The following TNS2 variants were observed in gnomAD, a reference collection of about 807,000 sequenced individuals.
TNS2 encodes tensin-2.
Under a neutral mutation model 155.7 loss-of-function variants are expected in TNS2, and 77 were observed. The observed-to-expected ratio is 0.49, with a 90% confidence interval of 0.41 to 0.60. TNS2 has a LOEUF of 0.60. Ranked by LOEUF, TNS2 falls within the 20% of genes least tolerant of loss-of-function variation. The probability of loss-of-function intolerance (pLI) is 0.00; values close to 1 mark genes in which losing one functional copy is unlikely to be tolerated. For missense variants in TNS2, 1,703 were observed against 1,868.8 expected (o/e 0.91, Z 1.64); for synonymous variants, 726 against 763.9 (o/e 0.95, Z 0.82).
Position 53,063,960 on chromosome 12 carries a change from G to GGA in TNS2, c.*79_*80dup. 1 of 1,523,666 alleles carries GGA rather than the reference G, an allele frequency of 6.6e-7. No homozygotes were observed. The highest frequency in any genetic ancestry group is 8.9e-7 in the Non-Finnish European group (1 of 1,122,202). The allele number at this position is 1,523,666 out of a possible 1,614,324, so 94.4% of individuals were successfully genotyped here. On this transcript the variant is annotated 3_prime_UTR_variant, in exon 29 of 29. Transcript: ENST00000314250. This position sits in a 1 kb window ranked among gnomAD's most constrained non-coding sequence, Gnocchi z 5.6. ...CCACAGCCCTCACATCCCCTGGCCT[G>GGA]GACCCAGGAGACCCAGGAGAAAGCA...
In TNS2 at chr12:53,058,454, G is replaced by A; in HGVS notation, c.1225+9G>A. On this transcript the variant is annotated intron_variant, in intron 15 of 28. Coordinates refer to ENST00000314250, the MANE Select transcript of TNS2 (RefSeq NM_170754.4). The stretch of plus-strand genomic sequence containing the variant: ...TGACGAGGCCTGGACTGGTGAGTCT[G>A]AGACAAGTGGCCTGGGGCTGGAGTC... The A allele has an allele frequency of 1.2e-6, 2 of 1,614,160 alleles. No homozygotes were observed. Among genetic ancestry groups the A allele is most frequent in the Non-Finnish European group, 1.7e-6 (2 of 1,180,014 alleles).
rs764504089 is a variant in TNS2, at chr12:53,060,803, C to T, written c.2897C>T (p.Pro966Leu). The change falls in exon 20 of 29, where the codon CCT becomes CTT. Residue 966 changes from proline to leucine, a missense_variant. Physicochemically the swap from Pro to Leu is moderately conservative, Grantham distance 98. Transcript: ENST00000314250. The surrounding 1 kb of genome is among the most constrained non-coding windows in gnomAD (Gnocchi z 6.1). ...CCTGAGCTGCCGTCGGGAAGTGGGC[C>T]TGAGCCTCTGGCCCCTAGCCCAGTC... Reference protein sequence around the residue: ...KAPELPSGSGPEPLAPSPVSP... With the variant: ...KAPELPSGSGLEPLAPSPVSP... The T allele has an allele frequency of 6.2e-7, 1 of 1,612,042 alleles. No individual in the cohort carries two copies. Among genetic ancestry groups the T allele is most frequent in the Non-Finnish European group, 8.5e-7 (1 of 1,178,998 alleles).
In TNS2 at chr12:53,057,630, C is replaced by T. The variant is rs1944206136; in HGVS notation, c.909C>T (p.Phe303=). 6.2e-7 allele frequency: 1 copy of T among 1,613,978 alleles called. No homozygotes were observed. Among genetic ancestry groups the T allele is most frequent in the African/African-American group, 1.3e-5 (1 of 74,938 alleles). Residue 303 remains phenylalanine (F), a synonymous_variant, in exon 12 of 29, where the codon TTC becomes TTT. Transcript: ENST00000314250. ...GSIRMNSSPL[F]LHYVLIPMLP... ...TCAGAATGAACAGCAGCCCTCTCTTCCTGCACTATGTGCTCATCCCCATGC... is the reference window on the plus strand; with the variant it reads ...TCAGAATGAACAGCAGCCCTCTCTTTCTGCACTATGTGCTCATCCCCATGC...
At chr12:53,055,447 T>C in intron 8 of TNS2, 121 bp from the exon 9 acceptor site, 5 of 1,323,512 alleles carry the variant, frequency 3.8e-6, no homozygotes, top group South Asian at 1.4e-5. Context: ...GAGGCTATCA[T>C]GGACAACCAG....
chr12:53,054,592 G>C (rs886407356), intron 7 of TNS2, 151 bp downstream of exon 7: 4 of 1,074,242 alleles, frequency 3.7e-6, no homozygotes, highest in Non-Finnish European at 5.1e-6. Flanking sequence ...GCGCGGCCTG[G>C]AGCGGAGCGG....
rs757817456 is a variant in TNS2 at position 53,058,768 on chromosome 12, CAGCCGTGCGCT to C, written c.1347_1357del (p.Ala450GlyfsTer4). The C allele has an allele frequency of 6.2e-7, 1 of 1,613,994 alleles. No homozygotes were observed. Among genetic ancestry groups the C allele is most frequent in the South Asian group, 1.1e-5 (1 of 91,088 alleles). ...TCTGTCGACTACAACACCACTGAGC[CAGCCGTGCGCT>C]GGGACTCCTATGAGAACTTCAACCA... On this transcript the variant is annotated frameshift_variant, in exon 17 of 29. Coordinates refer to ENST00000314250, the MANE Select transcript of TNS2 (RefSeq NM_170754.4). LOFTEE classifies it high-confidence loss of function.
chr12:53,054,089 C>G, intron 6 of TNS2, 75 bp downstream of exon 6: 1 of 1,603,606 alleles, frequency 6.2e-7, no homozygotes, highest in Non-Finnish European at 8.5e-7. Flanking sequence ...GGGCACTGCC[C>G]CGCAACAGAG....
At position 53,059,316 on chromosome 12, in the gene TNS2, C is replaced by T. The variant is rs1005708815; in HGVS notation, c.1675C>T (p.Arg559Cys). 1.5e-5 allele frequency: 22 copies of T among 1,419,902 alleles called. No homozygotes were observed. Among genetic ancestry groups the T allele is most frequent in the Middle Eastern group, 3.7e-4 (2 of 5,372 alleles). The allele number at this position is 1,419,902 out of a possible 1,614,324, so 88.0% of individuals were successfully genotyped here. The change falls in exon 18 of 29, where the codon CGC becomes TGC. Residue 559 changes from arginine (R) to cysteine (C), a missense_variant. Transcript: ENST00000314250. This position sits in a 1 kb window ranked among gnomAD's most constrained non-coding sequence, Gnocchi z 4.7. ...GGCCAGTGGGGGCCGGGGAGCTGGGCGCGAGACGGCCATCCTAGATGACGA... is the reference window on the plus strand; with the variant it reads ...GGCCAGTGGGGGCCGGGGAGCTGGGTGCGAGACGGCCATCCTAGATGACGA... The part of the protein sequence containing the change: ...GVASGGRGAG[R>C]ETAILDDEEQ...
chr12:53,055,897 C>G (rs781447973), intron 10 of TNS2, 52 bp downstream of exon 10: 3 of 1,568,458 alleles, frequency 1.9e-6, no homozygotes, highest in Admixed American at 1.8e-5. Context: ...CTTTCTCCAG[C>G]TGGCCCCTTA....
chr12:53,059,692 T>G lies in TNS2; in HGVS notation c.2051T>G (p.Leu684Arg), dbSNP rs1338201254. 2 of 1,613,168 alleles carry G rather than the reference T, an allele frequency of 1.2e-6. No homozygotes were observed. Among genetic ancestry groups the G allele is most frequent in the Admixed American group, 3.3e-5 (2 of 60,012 alleles). The change falls in exon 18 of 29, where the codon CTG (leucine) becomes CGG (arginine). Residue 684 changes from leucine to arginine, a missense_variant. Leu to Arg is a moderately radical substitution (Grantham distance 102). Transcript: ENST00000314250. This position sits in a 1 kb window ranked among gnomAD's most constrained non-coding sequence, Gnocchi z 4.7. The stretch of plus-strand genomic sequence containing the variant: ...GTGGTCATCCTGGAGGACCCTGGGC[T>G]GCCTGCCCTATACCCATGCCCAGCC... ...REVVILEDPG[L>R]PALYPCPACE...
rs2121125928 is a variant in TNS2, at chr12:53,057,918, A to G, written c.1019+85A>G. ...ATTCCTGCTTCTCCAGCCTCCCTAG[A>G]CACCTGGGCAGGGCTCAGACTCTGG... On this transcript the variant is annotated intron_variant, in intron 13 of 28. Transcript: ENST00000314250. The G allele has an allele frequency of 1.9e-6, 3 of 1,607,886 alleles. No individual in the cohort carries two copies. The South Asian group carries it at 3.3e-5, about 18-fold the overall frequency.
chr12:53,054,096 A>G, intron 6 of TNS2, 82 bp downstream of exon 6: 1 of 1,597,428 alleles, frequency 6.3e-7, no homozygotes, highest in Non-Finnish European at 8.6e-7. Context: ...GCCCCGCAAC[A>G]GAGCTCCCCG....
Position 53,063,861 on chromosome 12 carries a change from TCTA to T in TNS2, c.4212_4214del (p.Leu1405del), listed in dbSNP as rs776948376. The T allele has an allele frequency of 1.9e-6, 3 of 1,614,040 alleles. No homozygotes were observed. The highest frequency in any genetic ancestry group is 2.5e-6 in the Non-Finnish European group (3 of 1,180,006). On this transcript the variant is annotated inframe_deletion, in exon 29 of 29. Coordinates refer to ENST00000314250, the MANE Select transcript of TNS2 (RefSeq NM_170754.4). The surrounding 1 kb of genome is among the most constrained non-coding windows in gnomAD (Gnocchi z 5.6). ...CCATTGTCACCTTCATCACCAAAGTTCTACTGGGCCAGAGAAAATGAAGGAAGG... is the reference window on the plus strand; with the variant it reads ...CCATTGTCACCTTCATCACCAAAGTTCTGGGCCAGAGAAAATGAAGGAAGG...
rs771315681 is a variant in TNS2, at chr12:53,063,591, A to C, written c.4090A>C (p.Lys1364Gln). 6.2e-7 allele frequency: 1 copy of C among 1,611,966 alleles called. No individual in the cohort carries two copies. The highest frequency in any genetic ancestry group is 1.3e-5 in the African/African-American group (1 of 74,118). The change falls in exon 28 of 29, where the codon AAG becomes CAG. Residue 1364 changes from lysine (K) to glutamine (Q), a missense_variant and splice_region_variant. Coordinates refer to ENST00000314250, the MANE Select transcript of TNS2 (RefSeq NM_170754.4). This position sits in a 1 kb window ranked among gnomAD's most constrained non-coding sequence, Gnocchi z 5.6. ...GACCAACCCAGACGGGACCACCTCC[A>C]AGTAAGCCTCCCCACGAATTCAGCC... Reference protein sequence around the residue: ...RWTNPDGTTSKIFGFVAKKPG... With the variant: ...RWTNPDGTTSQIFGFVAKKPG...
chr12:53,057,988 G>C, intron 13 of TNS2, 39 bp from the exon 14 acceptor site: 1 of 1,613,374 alleles, frequency 6.2e-7, no homozygotes, highest in South Asian at 1.1e-5. Context: ...GCACGCAGGA[G>C]CTTCTGGTTC....
chr12:53,059,177 C>G lies in TNS2; in HGVS notation c.1536C>G (p.Asp512Glu). ...PPPPMLSVSS[D>E]SGHSSTLTTE... ...CCCCCATGCTCTCTGTCAGCAGCGACTCAGGCCATTCCTCCACGCTGACCA... is the reference window on the plus strand; with the variant it reads ...CCCCCATGCTCTCTGTCAGCAGCGAGTCAGGCCATTCCTCCACGCTGACCA... Residue 512 changes from aspartate (D) to glutamate (E), a missense_variant, in exon 18 of 29, where the codon GAC becomes GAG. Asp to Glu is a conservative substitution (Grantham distance 45). Coordinates refer to ENST00000314250, the MANE Select transcript of TNS2 (RefSeq NM_170754.4). This position sits in a 1 kb window ranked among gnomAD's most constrained non-coding sequence, Gnocchi z 4.7. 6.2e-7 allele frequency: 1 copy of G among 1,600,588 alleles called. No homozygotes were observed. The highest frequency in any genetic ancestry group is 8.5e-7 in the Non-Finnish European group (1 of 1,177,724).
rs760712868 is a variant in TNS2 at position 53,059,527 on chromosome 12, C to A, written c.1886C>A (p.Ser629Tyr). ...CTGGCCTACGGGGGCTATGAGGGAT[C>A]CCCCCAGGGCTACGCCGAGGCCTCG... The part of the protein sequence containing the change: ...RRLAYGGYEG[S>Y]PQGYAEASME... Residue 629 changes from serine to tyrosine, a missense_variant, in exon 18 of 29, where the codon TCC becomes TAC. By Grantham distance (144) the Ser-to-Tyr change is moderately radical. Coordinates refer to ENST00000314250, the MANE Select transcript of TNS2 (RefSeq NM_170754.4). This position sits in a 1 kb window ranked among gnomAD's most constrained non-coding sequence, Gnocchi z 4.7. 5.0e-5 allele frequency: 79 copies of A among 1,580,854 alleles called. 1 individual carries two copies. The highest frequency in any genetic ancestry group is 7.4e-5 in the Admixed American group (4 of 54,236).
At position 53,063,435 on chromosome 12, in the gene TNS2, C is replaced by T. The variant is rs1419294217; in HGVS notation, c.4061+18C>T. 1.2e-6 allele frequency: 2 copies of T among 1,613,686 alleles called. No homozygotes were observed. The highest frequency in any genetic ancestry group is 2.2e-5 in the South Asian group (2 of 91,064). On this transcript the variant is annotated intron_variant, in intron 27 of 28. Coordinates refer to ENST00000314250, the MANE Select transcript of TNS2 (RefSeq NM_170754.4). The surrounding 1 kb of genome is among the most constrained non-coding windows in gnomAD (Gnocchi z 5.6). ...GACCGGAGGTGACTCTCCCTCCAAA[C>T]CCTTTGCCCCAAATCCCCATGGTCC...
rs760101593 is a variant in TNS2, at chr12:53,062,684, G to A, written c.3810G>A (p.Leu1270=). 2.5e-6 allele frequency: 4 copies of A among 1,613,790 alleles called. No homozygotes were observed. Among genetic ancestry groups the A allele is most frequent in the Non-Finnish European group, 3.4e-6 (4 of 1,179,974 alleles). ...PTNMSTAADL[L]RQGAACSVLY... ...ACATGAGCACAGCGGCAGACCTCCT[G>A]CGTCAGGGTGCTGGTAGAGACTTCC... is the stretch of plus-strand genomic sequence containing the variant. Residue 1270 remains leucine, a synonymous_variant, in exon 25 of 29, where the codon CTG becomes CTA. Coordinates refer to ENST00000314250, the MANE Select transcript of TNS2 (RefSeq NM_170754.4).
Sources: gnomAD v4.1 joint callset for allele counts on GRCh38, gnomAD v4.1.1 for gene constraint, Gnocchi (gnomAD v3.1) non-coding constraint, MANE v1.5 for transcripts, NCBI Gene and HGNC (gene_info 2026-07-23, HGNC 2026-07-21) for gene names.